Variants in ZRANB3 observed in about 807,000 individuals in gnomAD.
ZRANB3 encodes the protein DNA annealing helicase and endonuclease ZRANB3.
Under a neutral mutation model 133.8 loss-of-function variants are expected in ZRANB3, and 125 were observed. The observed-to-expected ratio is 0.93, with a 90% CI of 0.81 to 1.08. The LOEUF (loss-of-function observed/expected upper bound fraction) is 1.08, where lower values mean the gene tolerates loss of function less well. Ranked by LOEUF, ZRANB3 falls within the 50% of genes least tolerant of loss-of-function variation. The probability of loss-of-function intolerance (pLI) is 0.00; values close to 1 mark genes in which losing one functional copy is unlikely to be tolerated. For missense variants in ZRANB3, 1,229 were observed against 1,275.5 expected (o/e 0.96, Z 0.56); for synonymous variants, 387 against 432.7 (o/e 0.89, Z 1.31).
At chr2:135,258,293 T>C (rs1241064636) in intron 12 of ZRANB3, among the ~76,000 whole-genome samples, 3 of 152,326 alleles carry the variant, frequency 2.0e-5, no homozygotes, top group South Asian at 2.1e-4. Context: ...ATGTAAGCTA[T>C]TGAGACAGTG....
At chr2:135,325,521 A>AGCTGCGACTACAGGTG (rs1683769873) in intron 6 of ZRANB3, among the ~76,000 whole-genome samples, 1 of 151,936 alleles carries the variant, frequency 6.6e-6, no homozygotes, top group Non-Finnish European at 1.5e-5. Context: ...CTCAGCCTGT[A>AGCTGCGACTACAGGTG]GCTGCGACTA....
Position 135,272,414 on chromosome 2 carries a change from C to CTTTTTTTT in ZRANB3, c.1087-535_1087-528dup, listed in dbSNP as rs112209442. Among the ~76,000 whole-genome samples the CTTTTTTTT allele has an allele frequency of 8.6e-4, 93 of 107,738 alleles. 6 individuals carry two copies. The highest frequency in any genetic ancestry group is 2.2e-3 in the African/African-American group (48 of 22,130). 70.7% of individuals were successfully genotyped at this position (107,738 alleles called of 152,430 possible). A position where few individuals can be genotyped will look rare whatever the true frequency, so the allele number is the denominator to read the frequency against. On this transcript the variant is annotated intron_variant, in intron 9 of 20. Transcript: ENST00000264159. ...CCAAATATTAACTGGGAAAATAGAGCTTTTTTTTTTTTTTTTTTGTGACGG... is the reference window on the plus strand; with the variant it reads ...CCAAATATTAACTGGGAAAATAGAGCTTTTTTTTTTTTTTTTTTTTTTTTTTGTGACGG...
chr2:135,395,940 A>G (rs954012931), intron 2 of ZRANB3, among the ~76,000 whole-genome samples: 1 of 152,230 alleles, frequency 6.6e-6, no homozygotes, highest in Non-Finnish European at 1.5e-5. Flanking sequence ...ATTAATAACC[A>G]GAATAAAGAA....
chr2:135,348,061 C>A (rs1457702660), intron 5 of ZRANB3, among the ~76,000 whole-genome samples: 8 of 151,978 alleles, frequency 5.3e-5, no homozygotes, highest in Non-Finnish European at 8.8e-5. Flanking sequence ...GAGTTTGAGA[C>A]CAGCCTGGCC....
intron 2 of ZRANB3, among the ~76,000 whole-genome samples, chr2:135,447,985 G>C (rs1468641979): frequency 2.6e-5 from 4 of 152,150 alleles, no homozygotes; most frequent in African/African-American, 9.7e-5. Flanking sequence ...GGAAACTCTA[G>C]AGTATTGTAC....
intron 1 of ZRANB3, among the ~76,000 whole-genome samples, chr2:135,515,048 TTGAG>T (rs1208142640): frequency 6.6e-6 from 1 of 152,210 alleles, no homozygotes; most frequent in Non-Finnish European, 1.5e-5. Context: ...CAGTATTTTA[TTGAG>T]TATTTTCGTA....
chr2:135,259,102 A>G (rs1431228454), intron 12 of ZRANB3, among the ~76,000 whole-genome samples: 1 of 151,918 alleles, frequency 6.6e-6, no homozygotes, highest in African/African-American at 2.4e-5. Flanking sequence ...CAGTGGTGCA[A>G]TCATCCTCCT....
chr2:135,262,038 T>C (rs1679990443), intron 12 of ZRANB3, among the ~76,000 whole-genome samples: 1 of 151,854 alleles, frequency 6.6e-6, no homozygotes, highest in Non-Finnish European at 1.5e-5. Context: ...CGTGTGCCTG[T>C]TGTCTCAGCT....
chr2:135,416,849 G>A (rs1343854912), intron 2 of ZRANB3, among the ~76,000 whole-genome samples: 1 of 152,150 alleles, frequency 6.6e-6, no homozygotes, highest in South Asian at 2.1e-4. Flanking sequence ...AGAAAAACAA[G>A]CAATGGGGAA....
chr2:135,408,710 C>T (rs946208071), intron 2 of ZRANB3, among the ~76,000 whole-genome samples: 2 of 151,564 alleles, frequency 1.3e-5, no homozygotes, highest in African/African-American at 4.9e-5. Flanking sequence ...TCATTCTCAG[C>T]AAACTATCGC....
At position 135,227,843 on chromosome 2, in the gene ZRANB3, T is replaced by C; in HGVS notation, c.2127A>G (p.Lys709=). ...CTGGCTGGGATGTAAGTCCGTCTTC[T>C]TTCTCAATTTTTGGTGTTTCTTCCT... ...DSKEETPKIE[K]EDGLTSQPGN... The change falls in exon 14 of 21, where the codon AAA becomes AAG. Residue 709 remains lysine, a synonymous_variant. Coordinates refer to ENST00000264159, the MANE Select transcript of ZRANB3 (RefSeq NM_032143.4). The C allele has an allele frequency of 6.3e-7, 1 of 1,576,952 alleles. No homozygotes were observed. Among genetic ancestry groups the C allele is most frequent in the Non-Finnish European group, 8.6e-7 (1 of 1,159,342 alleles).
At chr2:135,320,112 T>G (rs888652669) in intron 6 of ZRANB3, among the ~76,000 whole-genome samples, 1 of 152,134 alleles carries the variant, frequency 6.6e-6, no homozygotes, top group Non-Finnish European at 1.5e-5. Flanking sequence ...ACAACCATAG[T>G]GCACTGCAGC....
At chr2:135,353,031 C>T (rs1322138275) in intron 4 of ZRANB3, among the ~76,000 whole-genome samples, 1 of 152,072 alleles carries the variant, frequency 6.6e-6, no homozygotes, top group Non-Finnish European at 1.5e-5. Flanking sequence ...ATGAGTCACA[C>T]ACAAAACTTG....
At chr2:135,281,800 C>A (rs1335843228) in intron 8 of ZRANB3, among the ~76,000 whole-genome samples, 1 of 152,214 alleles carries the variant, frequency 6.6e-6, no homozygotes, top group Non-Finnish European at 1.5e-5. Flanking sequence ...CACAACCTAA[C>A]AATGTTAGGA....
At chr2:135,485,295 T>C (rs1692060370) in intron 2 of ZRANB3, among the ~76,000 whole-genome samples, 1 of 152,120 alleles carries the variant, frequency 6.6e-6, no homozygotes, top group African/African-American at 2.4e-5. Context: ...CACGATGATA[T>C]GTACACTGTC....
rs893766033 is a variant in ZRANB3, at chr2:135,479,642, G to A, written c.161+24687C>T. ...GATTGTGCCACTGCACTCCAGCCTG[G>A]GTGACAGAGCGAGACTATCTCAAAA... On this transcript the variant is annotated intron_variant, in intron 2 of 20. Coordinates refer to ENST00000264159, the MANE Select transcript of ZRANB3 (RefSeq NM_032143.4). Among the ~76,000 whole-genome samples the A allele has an allele frequency of 2.0e-5, 3 of 151,820 alleles. No individual in the cohort carries two copies. In the East Asian group the frequency reaches 5.8e-4, roughly 30 times the overall value.
At position 135,511,664 on chromosome 2, in the gene ZRANB3, C is replaced by T. The variant is rs193038408; in HGVS notation, c.-7-7168G>A. 4.5e-4 allele frequency: 348 copies of T among 768,832 alleles called. 1 individual carries two copies. The highest frequency in any genetic ancestry group is 3.1e-3 in the Middle Eastern group (10 of 3,202). 47.6% of individuals were successfully genotyped at this position (768,832 alleles called of 1,614,324 possible). On this transcript the variant is annotated intron_variant, in intron 1 of 20. Transcript: ENST00000264159. ...TTGTTGTTAGACAGAAGCCCCAACA[C>T]CTGGACTACCACACCATCATTTAGT...
chr2:135,483,977 G>C (rs1006951615), intron 2 of ZRANB3, among the ~76,000 whole-genome samples: 1 of 152,106 alleles, frequency 6.6e-6, no homozygotes, highest in Non-Finnish European at 1.5e-5. Flanking sequence ...GTCTGAGAGA[G>C]AGTTTGTTAT....
chr2:135,312,177 ATTTTATTTTATTTT>A lies in ZRANB3; in HGVS notation c.966+1298_966+1311del, dbSNP rs1558908134. ...TTTTATTTTTATTTTATTTTATTTT[ATTTTATTTTATTTT>A]TATTTTATTTTATTTTATTTTATTT... On this transcript the variant is annotated intron_variant, in intron 8 of 20. Transcript: ENST00000264159. Among the ~76,000 whole-genome samples, 398 of 135,792 alleles carry A rather than the reference ATTTTATTTTATTTT, an allele frequency of 2.9e-3. 2 individuals carry two copies. The highest frequency in any genetic ancestry group is 0.01 in the African/African-American group (368 of 36,238). 89.1% of individuals were successfully genotyped at this position (135,792 alleles called of 152,430 possible).
Sources: allele counts gnomAD v4.1 joint callset (sites outside exome capture counted in the v4.1 genomes callset), GRCh38; gene constraint gnomAD v4.1.1; transcripts MANE v1.5; gene names NCBI Gene and HGNC (gene_info 2026-07-23, HGNC 2026-07-21).